Variants in NOD2 observed in about 807,000 individuals in gnomAD.
The protein encoded by NOD2 is nucleotide binding oligomerization domain containing 2.
Under a neutral mutation model 90.9 loss-of-function variants are expected in NOD2, and 86 were observed. That is an observed-to-expected ratio of 0.95 (90% CI 0.79 to 1.13). The LOEUF (loss-of-function observed/expected upper bound fraction) is 1.13, where lower values mean the gene tolerates loss of function less well. Among genes scored for constraint, NOD2 ranks in the 50% most tolerant of loss-of-function variants. The pLI is 0.00. For missense variants in NOD2, 1,238 were observed against 1,283.8 expected, an observed-to-expected ratio of 0.96 and a Z score of 0.55; for synonymous variants, 581 against 554.6, an observed-to-expected ratio of 1.05 and a Z score of -0.67.
chr16:50,718,722 G>A (rs911202503), intron 6 of NOD2, among the ~76,000 whole-genome samples: 2 of 152,228 alleles, frequency 1.3e-5, no homozygotes, highest in African/African-American at 4.8e-5. Context: ...CTCACAGGCT[G>A]TAGTGATGAG....
intron 10 of NOD2, chr16:50,727,747 T>C (rs988642394): frequency 3.7e-5 from 13 of 348,302 alleles, no homozygotes; most frequent in African/African-American, 2.6e-4. Context: ...TTGGACCCTT[T>C]CTGTTGACGA....
chr16:50,697,256 G>T lies in NOD2; in HGVS notation c.-8-2232G>T, dbSNP rs140977130. The T allele has an allele frequency of 4.5e-6, 7 of 1,558,150 alleles. No homozygotes were observed. Among genetic ancestry groups the T allele is most frequent in the East Asian group, 4.8e-5 (2 of 41,526 alleles). On this transcript the variant is annotated intron_variant, in intron 1 of 11. Coordinates refer to ENST00000647318, the MANE Select transcript of NOD2 (RefSeq NM_001370466.1). ...CTAATGGGCTTTGATGGGGGAAGAG[G>T]GTGGTTCAGCCTCTCACGATGAGGA...
At chr16:50,719,576 G>C (rs573810283) in intron 6 of NOD2, among the ~76,000 whole-genome samples, 1 of 152,346 alleles carries the variant, frequency 6.6e-6, no homozygotes, top group South Asian at 2.1e-4. Context: ...GCACGATGGG[G>C]TCTGGATCGA....
chr16:50,719,336 A>C (rs1952552802), intron 6 of NOD2, among the ~76,000 whole-genome samples: 1 of 152,154 alleles, frequency 6.6e-6, no homozygotes, highest in Non-Finnish European at 1.5e-5. Flanking sequence ...TGCAGGTGAG[A>C]GCTCTGGGGC....
chr16:50,694,955 A>C (rs903100118), intron 1 of NOD2, among the ~76,000 whole-genome samples: 9 of 152,184 alleles, frequency 5.9e-5, no homozygotes, highest in Non-Finnish European at 1.0e-4. Context: ...TATATAGCAC[A>C]ACCAGGGAAG....
At chr16:50,716,507 A>C in intron 4 of NOD2, 80 bp from the exon 5 acceptor site, 1 of 1,330,564 alleles carries the variant, frequency 7.5e-7, no homozygotes, top group Non-Finnish European at 1.1e-6. Flanking sequence ...GGGATGAATG[A>C]AAGTCTTTTT....
intron 2 of NOD2, among the ~76,000 whole-genome samples, chr16:50,701,622 G>T (rs1963942593): frequency 6.6e-6 from 1 of 152,222 alleles, no homozygotes; most frequent in African/African-American, 2.4e-5. Flanking sequence ...ACAAGATTGT[G>T]TCTTGTCATC....
chr16:50,731,841 C>T lies in NOD2; in HGVS notation c.*22C>T. 2 of 1,601,290 alleles carry T rather than the reference C, an allele frequency of 1.2e-6. No individual in the cohort carries two copies. Among genetic ancestry groups the T allele is most frequent in the Non-Finnish European group, 1.7e-6 (2 of 1,168,740 alleles). On this transcript the variant is annotated 3_prime_UTR_variant, in exon 12 of 12. Transcript: ENST00000647318. ...TTGAAGTCTCCGGGAGGATGTTCGT[C>T]TCAGTTTGTTTGTGAGCAGGCTGTG...
rs1964808385 is a variant in NOD2 at position 50,716,633 on chromosome 16, G to A, written c.2428G>A (p.Glu810Lys). The A allele has an allele frequency of 6.2e-7, 1 of 1,614,068 alleles. No individual in the cohort carries two copies. The change falls in exon 5 of 12, where the codon GAA (glutamate) becomes AAA (lysine). Residue 810 changes from glutamate to lysine, a missense_variant. Glu to Lys is a moderately conservative substitution (Grantham distance 56). This residue lies in a region of NOD2 where 667 missense variants were observed against 688.7 expected (regional missense o/e 0.97). Coordinates refer to ENST00000647318, the MANE Select transcript of NOD2 (RefSeq NM_001370466.1). ...ISDRGICKLI[E>K]CALHCEQLQK... ...AGACCGAGGCATCTGCAAGCTCATT[G>A]AATGTGCTCTTCACTGCGAGCAATT...
chr16:50,712,313 CTG>C lies in NOD2; in HGVS notation c.2324_2325del (p.Val775GlyfsTer2), dbSNP rs1388455832. On this transcript the variant is annotated frameshift_variant, in exon 4 of 12. Coordinates refer to ENST00000647318, the MANE Select transcript of NOD2 (RefSeq NM_001370466.1). LOFTEE classifies it high-confidence loss of function. ...GTGGCCCTGCAGCTGGACTACAACT[CTG>C]TGGGTGACATTGGCGTGGAGCAGCT... 1 of 1,614,068 alleles carries C rather than the reference CTG, an allele frequency of 6.2e-7. No homozygotes were observed. Among genetic ancestry groups the C allele is most frequent in the Non-Finnish European group, 8.5e-7 (1 of 1,180,038 alleles).
At chr16:50,694,403 T>A (rs1182560186) in intron 1 of NOD2, among the ~76,000 whole-genome samples, 3 of 152,152 alleles carry the variant, frequency 2.0e-5, no homozygotes, top group Non-Finnish European at 2.9e-5. Flanking sequence ...CAGAGTGACA[T>A]CCCCACCACC....
At chr16:50,723,111 A>G (rs1259273218) in intron 8 of NOD2, among the ~76,000 whole-genome samples, 190 bp from the exon 9 acceptor site, 2 of 146,976 alleles carry the variant, frequency 1.4e-5, no homozygotes, top group Non-Finnish European at 3.0e-5. Context: ...AGAGCACTGC[A>G]TTCAATTAGT....
At chr16:50,724,406 A>G (rs1403787263) in intron 9 of NOD2, among the ~76,000 whole-genome samples, 1 of 152,260 alleles carries the variant, frequency 6.6e-6, no homozygotes, top group Non-Finnish European at 1.5e-5. Context: ...TAAATTTAGC[A>G]GAACTGGTTT....
chr16:50,729,785 C>T, intron 10 of NOD2, 33 bp from the exon 11 acceptor site: 6 of 1,580,356 alleles, frequency 3.8e-6, no homozygotes, highest in Non-Finnish European at 5.2e-6. Context: ...AACCAAGAAT[C>T]CTTGAAGCTC....
chr16:50,711,910 G>A lies in NOD2; in HGVS notation c.1918G>A (p.Glu640Lys), dbSNP rs774425599. 87 of 1,608,512 alleles carry A rather than the reference G, an allele frequency of 5.4e-5. No homozygotes were observed. Among genetic ancestry groups the A allele is most frequent in the Admixed American group, 1.0e-4 (6 of 59,840 alleles). Reference protein sequence around the residue: ...SSVAALLQKAEPHNLQITAAF... With the variant: ...SSVAALLQKAKPHNLQITAAF... Reference sequence around the variant, plus strand: ...CGTGGCAGCTTTGCTGCAGAAGGCCGAGCCGCACAACCTTCAGATCACAGC... The same window carrying A: ...CGTGGCAGCTTTGCTGCAGAAGGCCAAGCCGCACAACCTTCAGATCACAGC... Residue 640 changes from glutamate (E) to lysine (K), a missense_variant, in exon 4 of 12, where the codon GAG becomes AAG. This residue lies in a region of NOD2 where 667 missense variants were observed against 688.7 expected (regional missense o/e 0.97). Coordinates refer to ENST00000647318, the MANE Select transcript of NOD2 (RefSeq NM_001370466.1).
chr16:50,727,789 C>T (rs1255587612), intron 10 of NOD2: 3 of 343,460 alleles, frequency 8.7e-6, no homozygotes, highest in Non-Finnish European at 1.7e-5. Flanking sequence ...GTTTTCAGTG[C>T]ATCTCATTGA....
chr16:50,716,754 T>TGGGCTG, intron 5 of NOD2, 84 bp downstream of exon 5: 3 of 1,509,004 alleles, frequency 2.0e-6, no homozygotes, highest in Non-Finnish European at 2.8e-6. Context: ...CTGTGAGTGA[T>TGGGCTG]GGGCTGGGGC....
At chr16:50,698,504 G>GT (rs1458488401) in intron 1 of NOD2, among the ~76,000 whole-genome samples, 1 of 152,206 alleles carries the variant, frequency 6.6e-6, no homozygotes, top group African/African-American at 2.4e-5. Context: ...AATATTCTGA[G>GT]TCTACCCCTT....
intron 7 of NOD2, among the ~76,000 whole-genome samples, chr16:50,722,179 G>A (rs1336102936): frequency 1.3e-5 from 2 of 152,212 alleles, no homozygotes; most frequent in African/African-American, 4.8e-5. Flanking sequence ...GGGGTGTTAG[G>A]AAGAAGCAGG....
Sources: gnomAD v4.1 joint callset for allele counts (sites outside exome capture counted in the v4.1 genomes callset) on GRCh38, gnomAD v4.1.1 for gene constraint, gnomAD v4.1.1 regional missense constraint, MANE v1.5 for transcripts, NCBI Gene and HGNC (gene_info 2026-07-23, HGNC 2026-07-21) for gene names.